The following EXOC4 variants were observed in gnomAD, a reference collection of about 807,000 sequenced individuals.
EXOC4 encodes exocyst complex component 4, also known as SEC8-like 1.
EXOC4 carries 71 observed loss-of-function variants against 107.2 expected under a neutral mutation model. The ratio of observed to expected loss-of-function variants is 0.66; its 90% CI spans 0.55 to 0.81. The LOEUF (loss-of-function observed/expected upper bound fraction) is 0.81. EXOC4 is among the 30% of genes least tolerant of loss of function. The probability of loss-of-function intolerance (pLI) is 0.00; values close to 1 mark genes in which losing one functional copy is unlikely to be tolerated. For missense variants in EXOC4, 1,108 were observed against 1,189.6 expected (o/e 0.93, Z 1.01); for synonymous variants, 456 against 441.2 (o/e 1.03, Z -0.42).
intron 14 of EXOC4, among the ~76,000 whole-genome samples, chr7:133,969,832 G>A (rs1244062250): frequency 6.6e-6 from 1 of 152,212 alleles, no homozygotes; most frequent in Non-Finnish European, 1.5e-5. Context: ...ACTCACTTGA[G>A]GAGGTAGTCT....
intron 17 of EXOC4, among the ~76,000 whole-genome samples, chr7:134,035,101 A>C (rs1795358821): frequency 7.1e-6 from 1 of 141,412 alleles, no homozygotes; most frequent in Non-Finnish European, 1.5e-5. Flanking sequence ...GCTGGAGTGC[A>C]GTGGCATGAT....
intron 14 of EXOC4, among the ~76,000 whole-genome samples, chr7:133,954,983 C>T (rs1177394239): frequency 1.3e-5 from 2 of 152,242 alleles, no homozygotes; most frequent in Non-Finnish European, 2.9e-5. Flanking sequence ...CCAGGAACTG[C>T]GGAGCCCCAA....
At chr7:133,990,685 A>AC (rs982973004) in intron 14 of EXOC4, among the ~76,000 whole-genome samples, 4 of 151,962 alleles carry the variant, frequency 2.6e-5, no homozygotes, top group Non-Finnish European at 5.9e-5. Context: ...TGAACTCCTG[A>AC]CCTCGTGATC....
intron 9 of EXOC4, among the ~76,000 whole-genome samples, chr7:133,604,710 CTTTTTTTTTTTTTT>C (rs61548710): frequency 3.2e-4 from 16 of 50,270 alleles, no homozygotes; most frequent in South Asian, 1.2e-3. Flanking sequence ...TTCCTTCTTT[CTTTTTTTTTTTTTT>C]TTTTTTTTTT....
chr7:133,336,728 A>T (rs13310347), intron 5 of EXOC4, among the ~76,000 whole-genome samples: 2,577 of 25,050 alleles, frequency 0.1, 57 homozygotes, highest in African/African-American at 0.24. Context: ...TATTTTATTT[A>T]TTTTATTTTA....
At chr7:133,646,431 C>A (rs1802994367) in intron 10 of EXOC4, among the ~76,000 whole-genome samples, 1 of 152,102 alleles carries the variant, frequency 6.6e-6, no homozygotes, top group Non-Finnish European at 1.5e-5. Flanking sequence ...CTACTTATAT[C>A]TCATTTTCTT....
chr7:133,719,898 C>T (rs1209486406), intron 10 of EXOC4, among the ~76,000 whole-genome samples: 1 of 150,816 alleles, frequency 6.6e-6, no homozygotes, highest in African/African-American at 2.4e-5. Context: ...ACTAACTTCT[C>T]AGGAAAGGAT....
Position 134,004,981 on chromosome 7 carries a change from A to G in EXOC4, c.2418A>G (p.Glu806=). The G allele has an allele frequency of 6.2e-7, 1 of 1,613,598 alleles. No homozygotes were observed. Among genetic ancestry groups the G allele is most frequent in the Non-Finnish European group, 8.5e-7 (1 of 1,179,660 alleles). Residue 806 remains glutamate (E), a synonymous_variant, in exon 16 of 18, where the codon GAA becomes GAG. Coordinates refer to ENST00000253861, the MANE Select transcript of EXOC4 (RefSeq NM_021807.4). ...ACTATGCCATTGTGGCTAATGTGGA[A>G]AGTATGGATTATGACCCCCTGGTGG... ...EGNYAIVANV[E]SMDYDPLVVK...
At chr7:134,066,481 G>A (rs926685952), downstream of EXOC4, 1 of 152,200 alleles carries the variant, frequency 6.6e-6, no homozygotes, top group Non-Finnish European at 1.5e-5. Flanking sequence ...TGCTTACAAT[G>A]ACGGGACTGA....
At chr7:133,931,029 A>G (rs2116698192) in intron 13 of EXOC4, among the ~76,000 whole-genome samples, 1 of 152,008 alleles carries the variant, frequency 6.6e-6, no homozygotes, top group Non-Finnish European at 1.5e-5. Context: ...TCAGAAACAC[A>G]ACCTTCAATT....
chr7:133,284,916 C>T (rs1235095465), intron 2 of EXOC4, among the ~76,000 whole-genome samples: 4 of 152,200 alleles, frequency 2.6e-5, no homozygotes, highest in South Asian at 2.1e-4. Context: ...ACCCCGGTCC[C>T]AGTTCCAACA....
intron 8 of EXOC4, among the ~76,000 whole-genome samples, chr7:133,477,383 A>G (rs1022111370): frequency 1.3e-5 from 2 of 152,156 alleles, no homozygotes; most frequent in East Asian, 1.9e-4. Flanking sequence ...TGCTTTTTCC[A>G]GAATGTTGTA....
intron 14 of EXOC4, among the ~76,000 whole-genome samples, chr7:133,975,111 A>T (rs575594158): frequency 6.6e-6 from 1 of 152,054 alleles, no homozygotes; most frequent in South Asian, 2.1e-4. Flanking sequence ...TGTGGGAAAT[A>T]TTTTGTGGAA....
At chr7:133,900,030 C>T (rs534569819) in intron 12 of EXOC4, among the ~76,000 whole-genome samples, 1 of 152,140 alleles carries the variant, frequency 6.6e-6, no homozygotes, top group African/African-American at 2.4e-5. Flanking sequence ...CCCAGATGCA[C>T]TCTGGGTGTT....
chr7:133,840,564 G>A (rs1422921162), intron 11 of EXOC4, among the ~76,000 whole-genome samples: 1 of 151,574 alleles, frequency 6.6e-6, no homozygotes, highest in Non-Finnish European at 1.5e-5. Flanking sequence ...GAGTGCAGTG[G>A]CGCAATCTCA....
At chr7:133,408,854 A>G (rs890284461) in intron 7 of EXOC4, among the ~76,000 whole-genome samples, 5 of 152,210 alleles carry the variant, frequency 3.3e-5, no homozygotes, top group Admixed American at 1.3e-4. Context: ...CTGTGGGACT[A>G]GTATAAGATG....
intron 10 of EXOC4, among the ~76,000 whole-genome samples, chr7:133,658,776 T>C (rs1803361900): frequency 6.6e-6 from 1 of 152,124 alleles, no homozygotes. Context: ...CAGAAAGGAA[T>C]ACTGTTGCAA....
chr7:133,500,910 A>G (rs1799563132), intron 9 of EXOC4, among the ~76,000 whole-genome samples: 1 of 152,146 alleles, frequency 6.6e-6, no homozygotes, highest in Non-Finnish European at 1.5e-5. Context: ...ATCAACCTCA[A>G]ATCCTTTTTC....
chr7:133,970,208 G>C (rs1338313173), intron 14 of EXOC4, among the ~76,000 whole-genome samples: 1 of 152,172 alleles, frequency 6.6e-6, no homozygotes, highest in Non-Finnish European at 1.5e-5. Context: ...CCAAGCTCAA[G>C]TGTCCCAGGT....
Sources: allele counts gnomAD v4.1 joint callset (sites outside exome capture counted in the v4.1 genomes callset), GRCh38; gene constraint gnomAD v4.1.1; transcripts MANE v1.5; gene names NCBI Gene and HGNC (gene_info 2026-07-23, HGNC 2026-07-21).